SAMD9: variants seen among roughly 807,000 people sequenced by gnomAD.
The protein encoded by SAMD9 is sterile alpha motif domain-containing protein 9.
Under a neutral mutation model 1.5 loss-of-function variants are expected in SAMD9, and 3 were observed. The observed-to-expected ratio is 2.05, with a 90% CI of 0.93 to 5.29. The LOEUF is 5.29. SAMD9 is among the 30% of genes most tolerant of loss of function. The pLI, the probability that SAMD9 is intolerant of heterozygous loss-of-function variation, is 0.02. For synonymous variants in SAMD9, 635 were observed against 631.9 expected, an observed-to-expected ratio of 1.00 and a Z score of -0.07; for missense variants, 1,597 against 1,820.8, an observed-to-expected ratio of 0.88 and a Z score of 2.24.
In SAMD9 at chr7:93,104,575, A is replaced by G; in HGVS notation, c.1523T>C (p.Phe508Ser). The G allele has an allele frequency of 6.2e-7, 1 of 1,614,032 alleles. No homozygotes were observed. Among genetic ancestry groups the G allele is most frequent in the Non-Finnish European group, 8.5e-7 (1 of 1,179,932 alleles). Reference protein sequence around the residue: ...LDLDSEKYKPFDPSSWQRERA... With the variant: ...LDLDSEKYKPSDPSSWQRERA... ...TTCTCTTTGCCAGGAACTTGGATCA[A>G]AGGGTTTATATTTTTCACTGTCAAG... Residue 508 changes from phenylalanine (F) to serine (S), a missense_variant, in exon 3 of 3, where the codon TTT becomes TCT. Coordinates refer to ENST00000379958, the MANE Select transcript of SAMD9 (RefSeq NM_017654.4).
In SAMD9 at chr7:93,105,396, A is replaced by G; in HGVS notation, c.702T>C (p.Thr234=). The G allele has an allele frequency of 1.2e-6, 2 of 1,614,088 alleles. No individual in the cohort carries two copies. The highest frequency in any genetic ancestry group is 1.7e-6 in the Non-Finnish European group (2 of 1,179,990). The change falls in exon 3 of 3, where the codon ACT becomes ACC. Residue 234 remains threonine (T), a synonymous_variant. Coordinates refer to ENST00000379958, the MANE Select transcript of SAMD9 (RefSeq NM_017654.4). Reference sequence around the variant, plus strand: ...GTTTGTCTTTGACTCCAAAATGAATAGTGCCATTGGTACGTGAATTCATAC... The same window carrying G: ...GTTTGTCTTTGACTCCAAAATGAATGGTGCCATTGGTACGTGAATTCATAC... ...SACMNSRTNG[T]IHFGVKDKPH...
rs1453292288 is a variant in SAMD9, at chr7:93,102,806, CCTT to C, written c.3289_3291del (p.Lys1097del). On this transcript the variant is annotated inframe_deletion, in exon 3 of 3. Coordinates refer to ENST00000379958, the MANE Select transcript of SAMD9 (RefSeq NM_017654.4). ...GCCCAGTTTAGAGCATTGCCAAAGT[CCTT>C]CTTTTTAATGTAGAAATGTCTTGCC... 25 of 1,613,806 alleles carry C rather than the reference CCTT, an allele frequency of 1.5e-5. No individual in the cohort carries two copies. The highest frequency in any genetic ancestry group is 2.2e-5 in the East Asian group (1 of 44,872).
chr7:93,103,184 CCT>C lies in SAMD9; in HGVS notation c.2912_2913del (p.Glu971GlyfsTer33), dbSNP rs1366045584. On this transcript the variant is annotated frameshift_variant, in exon 3 of 3. Transcript: ENST00000379958. LOFTEE classifies it low-confidence loss of function (END_TRUNC). ...GTYSTILIKT[E>X]VIECGNYCGV... ...CCACAGTAGTTCCCACATTCGATGA[CCT>C]CTGTTTTTATCAGAATTGTAGAGTA... The C allele has an allele frequency of 6.2e-7, 1 of 1,613,682 alleles. No homozygotes were observed. Among genetic ancestry groups the C allele is most frequent in the African/African-American group, 1.3e-5 (1 of 74,874 alleles).
intron 2 of SAMD9, among the ~76,000 whole-genome samples, chr7:93,114,169 A>G (rs1212911123): frequency 6.6e-6 from 1 of 152,088 alleles, no homozygotes; most frequent in African/African-American, 2.4e-5. Context: ...TGAAGCTGGA[A>G]ACCATCATTC....
At chr7:93,112,221 T>C (rs555010548) in intron 2 of SAMD9, among the ~76,000 whole-genome samples, 5 of 152,286 alleles carry the variant, frequency 3.3e-5, no homozygotes, top group African/African-American at 1.2e-4. Flanking sequence ...ATTATCTCAA[T>C]AGATGCAGAA....
chr7:93,104,784 A>G lies in SAMD9; in HGVS notation c.1314T>C (p.Ala438=). The part of the protein sequence containing the change: ...LDFLKEIKWF[A]VLEFDPESNI... Reference sequence around the variant, plus strand: ...TAGACTCAGGATCAAACTCCAATACAGCAAACCATTTAATTTCCTTCAGGA... The same window carrying G: ...TAGACTCAGGATCAAACTCCAATACGGCAAACCATTTAATTTCCTTCAGGA... Residue 438 remains alanine (A), a synonymous_variant, in exon 3 of 3, where the codon GCT becomes GCC. Coordinates refer to ENST00000379958, the MANE Select transcript of SAMD9 (RefSeq NM_017654.4). The G allele has an allele frequency of 1.2e-6, 2 of 1,613,752 alleles. No homozygotes were observed. The highest frequency in any genetic ancestry group is 1.1e-5 in the South Asian group (1 of 91,044).
At position 93,104,550 on chromosome 7, in the gene SAMD9, T is replaced by C. The variant is rs1410424628; in HGVS notation, c.1548A>G (p.Glu516=). The C allele has an allele frequency of 6.2e-7, 1 of 1,613,928 alleles. No homozygotes were observed. The highest frequency in any genetic ancestry group is 1.7e-5 in the Admixed American group (1 of 59,998). Residue 516 remains glutamate, a synonymous_variant, in exon 3 of 3, where the codon GAA becomes GAG. Transcript: ENST00000379958. The part of the protein sequence containing the change: ...KPFDPSSWQR[E]RASDVRKLIS... The stretch of plus-strand genomic sequence containing the variant: ...TCAGTTTCCTGACATCAGAAGCTCT[T>C]TCTCTTTGCCAGGAACTTGGATCAA...
chr7:93,106,422 A>G (rs1275974025), intron 2 of SAMD9, among the ~76,000 whole-genome samples: 3 of 152,198 alleles, frequency 2.0e-5, no homozygotes, highest in Non-Finnish European at 4.4e-5. Context: ...ATCCTTATTA[A>G]TGATTGTTTG....
chr7:93,103,556 G>C lies in SAMD9; in HGVS notation c.2542C>G (p.Pro848Ala). 6.2e-7 allele frequency: 1 copy of C among 1,613,334 alleles called. No individual in the cohort carries two copies. The highest frequency in any genetic ancestry group is 8.5e-7 in the Non-Finnish European group (1 of 1,179,518). ...TGCTGTATTACGGCAATACTGTCTG[G>C]GATCCTTGCACTTTTTTCAGGATTT... ...SQNPEKSARI[P>A]DSIAVIQQLS... The change falls in exon 3 of 3, where the codon CCA (proline) becomes GCA (alanine). Residue 848 changes from proline to alanine, a missense_variant. Physicochemically the swap from Pro to Ala is conservative, Grantham distance 27 (BLOSUM62 -1). Coordinates refer to ENST00000379958, the MANE Select transcript of SAMD9 (RefSeq NM_017654.4).
At chr7:93,107,320 TG>T (rs1233252018) in intron 2 of SAMD9, among the ~76,000 whole-genome samples, 3 of 152,232 alleles carry the variant, frequency 2.0e-5, no homozygotes, top group Non-Finnish European at 4.4e-5. Context: ...GTGAACTTGT[TG>T]GCTACTGTTG....
At position 93,102,649 on chromosome 7, in the gene SAMD9, A is replaced by G. The variant is rs750579288; in HGVS notation, c.3449T>C (p.Ile1150Thr). ...GNGNISVDDL[I>T]ALLDLAEHAS... ...ATGTTCTGCTAAATCCAAAAGAGCAATTAGATCATCAACTGAAATGTTCCC... is the reference window on the plus strand; with the variant it reads ...ATGTTCTGCTAAATCCAAAAGAGCAGTTAGATCATCAACTGAAATGTTCCC... Residue 1150 changes from isoleucine (I) to threonine (T), a missense_variant, in exon 3 of 3, where the codon ATT (isoleucine) becomes ACT (threonine). Ile to Thr is a moderately conservative substitution (Grantham distance 89). Transcript: ENST00000379958. The G allele has an allele frequency of 4.6e-5, 74 of 1,613,786 alleles. No individual in the cohort carries two copies. The highest frequency in any genetic ancestry group is 6.0e-5 in the Non-Finnish European group (71 of 1,179,828).
rs781637197 is a variant in SAMD9 at position 93,105,777 on chromosome 7, T to C, written c.321A>G (p.Arg107=). The change falls in exon 3 of 3, where the codon AGA becomes AGG. Residue 107 remains arginine (R), a synonymous_variant. Coordinates refer to ENST00000379958, the MANE Select transcript of SAMD9 (RefSeq NM_017654.4). The part of the protein sequence containing the change: ...KDQTVSQKER[R]ETSKQKQKGK... Reference sequence around the variant, plus strand: ...CCTTTTGTTTTTGCTTTGAAGTTTCTCTACGTTCCTTTTGAGACACAGTTT... The same window carrying C: ...CCTTTTGTTTTTGCTTTGAAGTTTCCCTACGTTCCTTTTGAGACACAGTTT... 3.7e-6 allele frequency: 6 copies of C among 1,614,054 alleles called. No individual in the cohort carries two copies. The Admixed American group carries it at 8.3e-5, about 22-fold the overall frequency.
In SAMD9 at chr7:93,100,200, A is replaced by G. The variant is rs952505454; in HGVS notation, c.*1128T>C. ...CCCCTTTCTGGATATTGCTGATTGC[A>G]TATTTGTGGTGGTGTTAGTAGGATT... On this transcript the variant is annotated 3_prime_UTR_variant, in exon 3 of 3. Transcript: ENST00000379958. The G allele has an allele frequency of 1.3e-5, 2 of 152,038 alleles. No homozygotes were observed. The highest frequency in any genetic ancestry group is 6.6e-5 in the Admixed American group (1 of 15,260). The allele number at this position is 152,038 out of a possible 1,614,324, so 9.4% of individuals were successfully genotyped here.
In SAMD9 at chr7:93,104,294, A is replaced by C. The variant is rs1444435470; in HGVS notation, c.1804T>G (p.Ser602Ala). ...CTTAAAGCAGAAATACATTGGCTTG[A>C]AATTTCATCTTGGTGTTTTATTAAT... ...ARLIKHQDEI[S>A]SQCISALSLE... The change falls in exon 3 of 3, where the codon TCA (serine) becomes GCA (alanine). Residue 602 changes from serine (S) to alanine (A), a missense_variant. Transcript: ENST00000379958. 1.1e-5 allele frequency: 17 copies of C among 1,613,400 alleles called. No individual in the cohort carries two copies. The highest frequency in any genetic ancestry group is 1.4e-5 in the Non-Finnish European group (17 of 1,179,734).
rs938435025 is a variant in SAMD9, at chr7:93,109,623, G to T, written c.-8-3518C>A. ...AGAGAAGACCTTAAATGACCTGATG[G>T]AGCTGAAAACCATGGCACAAGAACT... On this transcript the variant is annotated intron_variant, in intron 2 of 2. Transcript: ENST00000379958. Among the ~76,000 whole-genome samples the T allele has an allele frequency of 2.6e-5, 4 of 152,316 alleles. No individual in the cohort carries two copies. In the East Asian group the frequency reaches 5.8e-4, roughly 22 times the overall value.
At position 93,114,787 on chromosome 7, in the gene SAMD9, T is replaced by C. The variant is rs1294821695; in HGVS notation, c.-9+8A>G. The C allele has an allele frequency of 2.0e-5, 3 of 152,148 alleles. No homozygotes were observed. The highest frequency in any genetic ancestry group is 1.3e-4 in the Admixed American group (2 of 15,276). 9.4% of individuals were successfully genotyped at this position (152,148 alleles called of 1,614,324 possible). A position where few individuals can be genotyped will look rare whatever the true frequency, so the allele number is the denominator to read the frequency against. On this transcript the variant is annotated splice_region_variant and intron_variant, in intron 2 of 2. Transcript: ENST00000379958. ...TAATTGAGCAAATTCTTAAAAAATA[T>C]AGCTTACCAAACTGACTCTAGAAGA...
At chr7:93,108,847 C>A (rs1012560794) in intron 2 of SAMD9, among the ~76,000 whole-genome samples, 1 of 152,154 alleles carries the variant, frequency 6.6e-6, no homozygotes, top group Non-Finnish European at 1.5e-5. Context: ...GGAGGCCTGC[C>A]TGCCTCTGTA....
chr7:93,101,718 T>C lies in SAMD9; in HGVS notation c.4380A>G (p.Leu1460=), dbSNP rs749081386. The C allele has an allele frequency of 2.9e-5, 47 of 1,613,712 alleles. No homozygotes were observed. The highest frequency in any genetic ancestry group is 3.8e-5 in the Non-Finnish European group (45 of 1,179,804). Residue 1460 remains leucine, a synonymous_variant, in exon 3 of 3, where the codon CTA becomes CTG. Coordinates refer to ENST00000379958, the MANE Select transcript of SAMD9 (RefSeq NM_017654.4). ...TATATTGCCCCTTGAAAGAATTTTT[T>C]AGTGCTTGAGCATACTCTTTCATTT... The part of the protein sequence containing the change: ...SEQMKEYAQA[L]KNSFKGQYKH...
At chr7:93,108,765 C>A (rs961557461) in intron 2 of SAMD9, among the ~76,000 whole-genome samples, 1 of 152,182 alleles carries the variant, frequency 6.6e-6, no homozygotes, top group Admixed American at 6.6e-5. Context: ...GGGCGTCCAC[C>A]ATTGCTGAGG....
Sources: gnomAD v4.1 joint callset for allele counts (sites outside exome capture counted in the v4.1 genomes callset) on GRCh38, gnomAD v4.1.1 for gene constraint, MANE v1.5 for transcripts, NCBI Gene and HGNC (gene_info 2026-07-23, HGNC 2026-07-21) for gene names.